CCDC85C: variants seen among roughly 807,000 people sequenced by gnomAD.
CCDC85C encodes coiled-coil domain-containing protein 85C.
A neutral mutation model predicts 38.3 loss-of-function variants in CCDC85C; 18 were observed. The observed-to-expected ratio is 0.47, with a 90% confidence interval of 0.33 to 0.70. The LOEUF is 0.70. Ranked by LOEUF, CCDC85C falls within the 30% of genes least tolerant of loss-of-function variation. The probability of loss-of-function intolerance (pLI) is 0.03; values close to 1 mark genes in which losing one functional copy is unlikely to be tolerated. For synonymous variants in CCDC85C, 264 were observed against 293.8 expected (o/e 0.90, Z 1.04); for missense variants, 566 against 621.2 (o/e 0.91, Z 0.94).
intron 1 of CCDC85C, among the ~76,000 whole-genome samples, chr14:99,552,358 C>T (rs1195246325): frequency 6.6e-6 from 1 of 152,218 alleles, no homozygotes; most frequent in African/African-American, 2.4e-5. Context: ...CTGACCCCAG[C>T]AAGGCAGGAC....
chr14:99,597,931 G>C (rs539676219), intron 1 of CCDC85C, among the ~76,000 whole-genome samples: 38 of 152,346 alleles, frequency 2.5e-4, no homozygotes, highest in African/African-American at 8.9e-4. Context: ...TTCTAGGATC[G>C]AGACATTATT....
At chr14:99,540,891 C>T (rs1000116326) in intron 1 of CCDC85C, among the ~76,000 whole-genome samples, 1 of 152,156 alleles carries the variant, frequency 6.6e-6, no homozygotes, top group Non-Finnish European at 1.5e-5. Context: ...GGCGCTGTGC[C>T]GGCTCCATCC....
At chr14:99,595,414 T>C (rs1041549437) in intron 1 of CCDC85C, among the ~76,000 whole-genome samples, 1 of 152,162 alleles carries the variant, frequency 6.6e-6, no homozygotes, top group African/African-American at 2.4e-5. Flanking sequence ...ACCTGGTTAA[T>C]TTTTGTATTT....
At position 99,502,520 on chromosome 14, in the gene CCDC85C, T is replaced by TAATGGATTTTCCC; in HGVS notation, c.*12725_*12726insGGGAAAATCCATT. On this transcript the variant is annotated 3_prime_UTR_variant, in exon 6 of 6. Coordinates refer to ENST00000380243, the MANE Select transcript of CCDC85C (RefSeq NM_001144995.2). ...AAGCATCATTAATTAAATTATCTAA[T>TAATGGATTTTCCC]AGTTTCCACTTTGTCCAAACACATA... is the stretch of plus-strand genomic sequence containing the variant. 1 of 1,351,334 alleles carries TAATGGATTTTCCC rather than the reference T, an allele frequency of 7.4e-7. No homozygotes were observed. The highest frequency in any genetic ancestry group is 9.9e-7 in the Non-Finnish European group (1 of 1,006,608). The allele number at this position is 1,351,334 out of a possible 1,614,324, so 83.7% of individuals were successfully genotyped here.
Position 99,502,761 on chromosome 14 carries a change from A to G in CCDC85C, c.*12485T>C. The G allele has an allele frequency of 6.2e-7, 1 of 1,613,790 alleles. No individual in the cohort carries two copies. The highest frequency in any genetic ancestry group is 8.5e-7 in the Non-Finnish European group (1 of 1,179,724). ...CTGGATCTTTACTCACAAGGAAAACAACAGATGCCTCATCACACCCCCCAT... is the reference window on the plus strand; with the variant it reads ...CTGGATCTTTACTCACAAGGAAAACGACAGATGCCTCATCACACCCCCCAT... On this transcript the variant is annotated 3_prime_UTR_variant, in exon 6 of 6. Transcript: ENST00000380243.
chr14:99,603,506 CCAG>C lies in CCDC85C; in HGVS notation c.451_453del (p.Leu151del), dbSNP rs1291544824. ...GCCGCCAGTGCCGCGCGCTCCTCGT[CCAG>C]CAGCAGCACCAGCTCCTTGAGCTCC... is the stretch of plus-strand genomic sequence containing the variant. On this transcript the variant is annotated inframe_deletion, in exon 1 of 6. Transcript: ENST00000380243. The surrounding 1 kb of genome is among the most constrained non-coding windows in gnomAD (Gnocchi z 7.5). 3 of 1,327,508 alleles carry C rather than the reference CCAG, an allele frequency of 2.3e-6. No homozygotes were observed. The highest frequency in any genetic ancestry group is 2.9e-6 in the Non-Finnish European group (3 of 1,045,828). The allele number at this position is 1,327,508 out of a possible 1,614,324, so 82.2% of individuals were successfully genotyped here.
rs531312080 is a variant in CCDC85C at position 99,569,488 on chromosome 14, C to T, written c.794-33400G>A. On this transcript the variant is annotated intron_variant, in intron 1 of 5. Coordinates refer to ENST00000380243, the MANE Select transcript of CCDC85C (RefSeq NM_001144995.2). The surrounding 1 kb of genome is among the most constrained non-coding windows in gnomAD (Gnocchi z 4.3). ...CTGGGGATCTAAGCAGTTACGGCTG[C>T]CCCAGGGCTGGGACCAAACCCACAG... 4.6e-5 allele frequency among the ~76,000 whole-genome samples: 7 copies of T among 152,334 alleles called. No homozygotes were observed. In the South Asian group the frequency reaches 1.5e-3, roughly 32 times the overall value.
chr14:99,596,276 C>A (rs574757840), intron 1 of CCDC85C, among the ~76,000 whole-genome samples: 1 of 152,168 alleles, frequency 6.6e-6, no homozygotes, highest in African/African-American at 2.4e-5. Context: ...TAAGACACGC[C>A]CCATATTACA....
chr14:99,590,644 C>A (rs913982377), intron 1 of CCDC85C, among the ~76,000 whole-genome samples: 2 of 152,186 alleles, frequency 1.3e-5, no homozygotes, highest in Admixed American at 6.5e-5. Context: ...GGGGCTTTCA[C>A]GTGACCTTCC....
In CCDC85C at chr14:99,603,477, C is replaced by G. The variant is rs971654839; in HGVS notation, c.483G>C (p.Thr161=). The change falls in exon 1 of 6, where the codon ACG becomes ACC. Residue 161 remains threonine, a synonymous_variant. Transcript: ENST00000380243. The surrounding 1 kb of genome is among the most constrained non-coding windows in gnomAD (Gnocchi z 7.5). ...CGCCGCCGCCACCGCTTGCGGCCCC[C>G]GTCGCCGCCAGTGCCGCGCGCTCCT... ...LDEERAALAA[T]GAASGGGGGG... 26 of 1,288,024 alleles carry G rather than the reference C, an allele frequency of 2.0e-5. No homozygotes were observed. Among genetic ancestry groups the G allele is most frequent in the Middle Eastern group, 2.8e-4 (1 of 3,546 alleles). 79.8% of individuals were successfully genotyped at this position (1,288,024 alleles called of 1,614,324 possible). A position where few individuals can be genotyped will look rare whatever the true frequency, so the allele number is the denominator to read the frequency against.
At chr14:99,590,099 G>C (rs2055070047) in intron 1 of CCDC85C, among the ~76,000 whole-genome samples, 1 of 152,236 alleles carries the variant, frequency 6.6e-6, no homozygotes, top group Non-Finnish European at 1.5e-5. Context: ...TGGGGGACAA[G>C]CTTTTAACTC....
At chr14:99,529,091 G>A (rs1022122159) in intron 2 of CCDC85C, among the ~76,000 whole-genome samples, 1 of 152,226 alleles carries the variant, frequency 6.6e-6, no homozygotes, top group African/African-American at 2.4e-5. Flanking sequence ...TCTGCACTCA[G>A]ATCAGGCGGT....
chr14:99,525,738 G>A (rs372502030), intron 2 of CCDC85C, among the ~76,000 whole-genome samples: 61 of 152,340 alleles, frequency 4.0e-4, no homozygotes, highest in African/African-American at 1.3e-3. Context: ...CAGCCTGCCC[G>A]CAAGTGACCA....
chr14:99,536,423 C>T (rs974408877), intron 1 of CCDC85C, among the ~76,000 whole-genome samples: 2 of 152,170 alleles, frequency 1.3e-5, no homozygotes, highest in Non-Finnish European at 2.9e-5. Context: ...GGGGTGGCCT[C>T]GCCAGCCTGC....
In CCDC85C at chr14:99,517,147, G is replaced by A. The variant is rs971767087; in HGVS notation, c.1012C>T (p.Pro338Ser). The change falls in exon 4 of 6, where the codon CCC (proline) becomes TCC (serine). Residue 338 changes from proline to serine, a missense_variant. Pro to Ser is a moderately conservative substitution (Grantham distance 74, BLOSUM62 -1). Around this residue, in one of 3 missense-constraint regions of CCDC85C, gnomAD observed 286 missense variants for 276.4 expected, o/e 1.03. Transcript: ENST00000380243. The part of the protein sequence containing the change: ...ACPAPELPSP[P>S]SAGYSPAGQK... The stretch of plus-strand genomic sequence containing the variant: ...CCTGCAGGGCTGTAGCCAGCAGAGG[G>A]GGGCGAGGGCAGCTCAGGTGCGGGG... 7.1e-6 allele frequency: 11 copies of A among 1,549,974 alleles called. No individual in the cohort carries two copies. The African/African-American group carries it at 1.4e-4, about 19-fold the overall frequency.
At position 99,508,535 on chromosome 14, in the gene CCDC85C, G is replaced by A. The variant is rs1897032637; in HGVS notation, c.*6711C>T. On this transcript the variant is annotated 3_prime_UTR_variant, in exon 6 of 6. Transcript: ENST00000380243. ...AGGAGGCCATGGCTGAAGAGAGCAGGGCCTGGGAGGCGCAGTAAAGCTGGG... is the reference window on the plus strand; with the variant it reads ...AGGAGGCCATGGCTGAAGAGAGCAGAGCCTGGGAGGCGCAGTAAAGCTGGG... 1 of 152,514 alleles carries A rather than the reference G, an allele frequency of 6.6e-6. No homozygotes were observed. The highest frequency in any genetic ancestry group is 2.4e-5 in the African/African-American group (1 of 41,474). 9.4% of individuals were successfully genotyped at this position (152,514 alleles called of 1,614,324 possible).
intron 2 of CCDC85C, among the ~76,000 whole-genome samples, chr14:99,527,158 C>T (rs932833127): frequency 2.0e-5 from 3 of 152,342 alleles, no homozygotes; most frequent in East Asian, 1.9e-4. Context: ...TGTGTCCACA[C>T]GTCCGTCAGT....
rs1005029152 is a variant in CCDC85C at position 99,511,979 on chromosome 14, C to T, written c.*3267G>A. 2 of 152,270 alleles carry T rather than the reference C, an allele frequency of 1.3e-5. No individual in the cohort carries two copies. The highest frequency in any genetic ancestry group is 4.8e-5 in the African/African-American group (2 of 41,464). 9.4% of individuals were successfully genotyped at this position (152,270 alleles called of 1,614,324 possible). On this transcript the variant is annotated 3_prime_UTR_variant, in exon 6 of 6. Coordinates refer to ENST00000380243, the MANE Select transcript of CCDC85C (RefSeq NM_001144995.2). ...GGTGCTTGAGGGGCCTTGGCCCTGTCTCTGCCTGCTGACCCTGCCACCCAC... is the reference window on the plus strand; with the variant it reads ...GGTGCTTGAGGGGCCTTGGCCCTGTTTCTGCCTGCTGACCCTGCCACCCAC...
Position 99,535,724 on chromosome 14 carries a change from T to A in CCDC85C, c.867+291A>T, listed in dbSNP as rs1413823403. On this transcript the variant is annotated intron_variant, in intron 2 of 5. Transcript: ENST00000380243. The surrounding 1 kb of genome is among the most constrained non-coding windows in gnomAD (Gnocchi z 5.5). Reference sequence around the variant, plus strand: ...TGGATCTGCCCATCTGCCAGAGGAGTGAAGCAGCCCATTTCTTCATCAACT... The same window carrying A: ...TGGATCTGCCCATCTGCCAGAGGAGAGAAGCAGCCCATTTCTTCATCAACT... Among the ~76,000 whole-genome samples, 1 of 151,504 alleles carries A rather than the reference T, an allele frequency of 6.6e-6. No individual in the cohort carries two copies. Among genetic ancestry groups the A allele is most frequent in the Non-Finnish European group, 1.5e-5 (1 of 67,860 alleles).
Sources: gnomAD v4.1 joint callset for allele counts (sites outside exome capture counted in the v4.1 genomes callset) on GRCh38, gnomAD v4.1.1 for gene constraint, gnomAD v4.1.1 regional missense constraint, Gnocchi (gnomAD v3.1) non-coding constraint, MANE v1.5 for transcripts, NCBI Gene and HGNC (gene_info 2026-07-23, HGNC 2026-07-21) for gene names.